Variants in SPAG1 observed in about 807,000 individuals in gnomAD.
The protein encoded by SPAG1 is sperm-associated antigen 1.
SPAG1 carries 69 observed loss-of-function variants against 100.5 expected under a neutral mutation model. The ratio of observed to expected loss-of-function variants is 0.69; its 90% confidence interval spans 0.57 to 0.84. SPAG1 has a LOEUF of 0.84. SPAG1 is among the 40% of genes least tolerant of loss of function. The pLI, the probability that SPAG1 is intolerant of heterozygous loss-of-function variation, is 0.00. For missense variants in SPAG1, 955 were observed against 1,133.1 expected (o/e 0.84, Z 2.26); for synonymous variants, 336 against 411.6 (o/e 0.82, Z 2.22).
chr8:100,163,977 G>T (rs1815432076), intron 2 of SPAG1, among the ~76,000 whole-genome samples: 1 of 152,096 alleles, frequency 6.6e-6, no homozygotes, highest in South Asian at 2.1e-4. Context: ...ATTTAATTTG[G>T]AAATGAAATT....
chr8:100,220,366 T>C lies in SPAG1; in HGVS notation c.1623T>C (p.Tyr541=), dbSNP rs757039035. The part of the protein sequence containing the change: ...YETLEQYGKA[Y]VDYKTVLQID... The stretch of plus-strand genomic sequence containing the variant: ...CTCTAGAGCAGTATGGGAAAGCTTA[T>C]GTGGATTATAAAACAGTGTTGCAGA... The change falls in exon 13 of 19, where the codon TAT becomes TAC. Residue 541 remains tyrosine, a synonymous_variant. Coordinates refer to ENST00000388798, the MANE Select transcript of SPAG1 (RefSeq NM_003114.5). The C allele has an allele frequency of 1.9e-6, 3 of 1,614,090 alleles. No homozygotes were observed. Among genetic ancestry groups the C allele is most frequent in the Non-Finnish European group, 2.5e-6 (3 of 1,179,952 alleles).
chr8:100,215,047 A>G (rs1226881261), intron 12 of SPAG1, among the ~76,000 whole-genome samples: 2 of 85,810 alleles, frequency 2.3e-5, no homozygotes, highest in East Asian at 3.5e-4. Context: ...ATATATATAT[A>G]TATGAAACTA....
intron 9 of SPAG1, 122 bp downstream of exon 9, chr8:100,191,618 A>G (rs1185654980): frequency 7.7e-6 from 5 of 652,696 alleles, no homozygotes; most frequent in South Asian, 2.1e-5. Context: ...TTTAAAAGGT[A>G]GGTATATTCC....
At chr8:100,236,284 T>G (rs771715190) in intron 16 of SPAG1, among the ~76,000 whole-genome samples, 1 of 152,206 alleles carries the variant, frequency 6.6e-6, no homozygotes, top group South Asian at 2.1e-4. Flanking sequence ...TTGAGGTATG[T>G]GCCAGGTGAA....
chr8:100,186,136 G>A (rs1164611555), intron 7 of SPAG1, among the ~76,000 whole-genome samples: 1 of 134,866 alleles, frequency 7.4e-6, no homozygotes, highest in Non-Finnish European at 1.5e-5. Context: ...TGTGATCATA[G>A]CTCGCTGCAG....
intron 16 of SPAG1, among the ~76,000 whole-genome samples, chr8:100,238,631 A>T (rs986650949): frequency 2.0e-5 from 3 of 152,184 alleles, no homozygotes; most frequent in African/African-American, 7.2e-5. Context: ...CAACTTCTTC[A>T]GTGTATTGTG....
intron 1 of SPAG1, chr8:100,159,015 T>G (rs1243760756): frequency 6.6e-6 from 1 of 152,008 alleles, no homozygotes; most frequent in Admixed American, 6.6e-5. Context: ...TAAAATGATG[T>G]TCAGAATGAA....
At chr8:100,226,329 CAAG>C in intron 14 of SPAG1, among the ~76,000 whole-genome samples, 1 of 152,210 alleles carries the variant, frequency 6.6e-6, no homozygotes, top group Non-Finnish European at 1.5e-5. Context: ...AAATGTCTCA[CAAG>C]GAGGTTGTCA....
chr8:100,231,404 T>A, intron 15 of SPAG1, 116 bp downstream of exon 15: 1 of 667,582 alleles, frequency 1.5e-6, no homozygotes, highest in East Asian at 3.0e-5. Context: ...GTGATGGTTC[T>A]AAGAATTTCT....
At chr8:100,217,414 T>C (rs1490117818) in intron 12 of SPAG1, among the ~76,000 whole-genome samples, 2 of 152,144 alleles carry the variant, frequency 1.3e-5, no homozygotes, top group East Asian at 3.9e-4. Flanking sequence ...GCATTGGTTG[T>C]TTTCCAGGGG....
intron 12 of SPAG1, among the ~76,000 whole-genome samples, chr8:100,216,177 C>T (rs1277381197): frequency 6.6e-6 from 1 of 152,186 alleles, no homozygotes; most frequent in Admixed American, 6.5e-5. Context: ...TTTACCAGTG[C>T]TCCTAACAGA....
intron 2 of SPAG1, chr8:100,165,244 A>G (rs1361871899): frequency 1.9e-6 from 1 of 522,134 alleles, no homozygotes; most frequent in Non-Finnish European, 3.9e-6. Flanking sequence ...TCACGACTCT[A>G]GGAATAATTC....
At chr8:100,186,554 G>A (rs1198507745) in intron 7 of SPAG1, among the ~76,000 whole-genome samples, 2 of 151,824 alleles carry the variant, frequency 1.3e-5, no homozygotes, top group Non-Finnish European at 2.9e-5. Context: ...TAACTTTAAG[G>A]CTATTAACTG....
intron 10 of SPAG1, among the ~76,000 whole-genome samples, chr8:100,208,488 A>G (rs944798116): frequency 6.6e-6 from 1 of 152,232 alleles, no homozygotes; most frequent in Non-Finnish European, 1.5e-5. Context: ...CATCAGGAAA[A>G]AAAACCACGA....
Position 100,168,687 on chromosome 8 carries a change from C to CTTTTTTTTTTTTTTTTTTTTTTTTTTT in SPAG1, c.300+2725_300+2726insTTTTTTTTTTTTTTTTTTTTTTTTTTT, listed in dbSNP as rs747506730. The stretch of plus-strand genomic sequence containing the variant: ...AGCATGAGCCACCATGCCCAGCCAT[C>CTTTTTTTTTTTTTTTTTTTTTTTTTTT]TTTTTTTTTTTGTTGTTGAGACAGA... On this transcript the variant is annotated intron_variant, in intron 3 of 18. Transcript: ENST00000388798. Among the ~76,000 whole-genome samples, 442 of 95,564 alleles carry CTTTTTTTTTTTTTTTTTTTTTTTTTTT rather than the reference C, an allele frequency of 4.6e-3. 107 individuals are homozygous for CTTTTTTTTTTTTTTTTTTTTTTTTTTT. The highest frequency in any genetic ancestry group is 0.021 in the Middle Eastern group (3 of 146). The allele number at this position is 95,564 out of a possible 152,430, so 62.7% of individuals were successfully genotyped here.
chr8:100,180,239 G>A (rs1816309670), intron 4 of SPAG1, among the ~76,000 whole-genome samples: 1 of 152,172 alleles, frequency 6.6e-6, no homozygotes, highest in South Asian at 2.1e-4. Flanking sequence ...TCAGGAGACT[G>A]AGGTAAGAGG....
chr8:100,235,366 C>T (rs976401368), intron 16 of SPAG1, among the ~76,000 whole-genome samples: 5 of 152,072 alleles, frequency 3.3e-5, no homozygotes, highest in East Asian at 1.9e-4. Flanking sequence ...TCTGTGGGGA[C>T]GTAGTTCAGC....
chr8:100,179,077 A>C (rs1816253079), intron 4 of SPAG1, among the ~76,000 whole-genome samples: 2 of 149,732 alleles, frequency 1.3e-5, no homozygotes, highest in South Asian at 4.3e-4. Flanking sequence ...AAAAAAAAAA[A>C]AACCACAAAA....
At position 100,240,893 on chromosome 8, in the gene SPAG1, G is replaced by A; in HGVS notation, c.2652G>A (p.Met884Ile). 2 of 1,483,992 alleles carry A rather than the reference G, an allele frequency of 1.3e-6. No individual in the cohort carries two copies. Among genetic ancestry groups the A allele is most frequent in the South Asian group, 2.4e-5 (2 of 81,638 alleles). The allele number at this position is 1,483,992 out of a possible 1,614,324, so 91.9% of individuals were successfully genotyped here. Residue 884 changes from methionine (M) to isoleucine (I), a missense_variant and splice_region_variant, in exon 19 of 19, where the codon ATG (methionine) becomes ATA (isoleucine). Physicochemically the swap from Met to Ile is conservative, Grantham distance 10. Coordinates refer to ENST00000388798, the MANE Select transcript of SPAG1 (RefSeq NM_003114.5). ...TTTTTTTTTTTTGCTTCTTTTAGAT[G>A]ATGTTGACACTAATTAGCAAGGGCC... Reference protein sequence around the residue: ...LYLSKAERFKMMLTLISKGQK... With the variant: ...LYLSKAERFKIMLTLISKGQK...
Sources: gnomAD v4.1 joint callset for allele counts (sites outside exome capture counted in the v4.1 genomes callset) on GRCh38, gnomAD v4.1.1 for gene constraint, MANE v1.5 for transcripts, NCBI Gene and HGNC (gene_info 2026-07-23, HGNC 2026-07-21) for gene names.